Variants in DNAH3 observed in about 807,000 individuals in gnomAD.
DNAH3 encodes the protein axonemal beta dynein heavy chain 3.
In DNAH3, 332 loss-of-function variants were observed where a neutral mutation model predicts 432.5. The ratio of observed to expected loss-of-function variants is 0.77; its 90% CI spans 0.70 to 0.84. The LOEUF (loss-of-function observed/expected upper bound fraction) is 0.84. Among genes scored for constraint, DNAH3 ranks in the 40% least tolerant of loss-of-function variants. The probability of loss-of-function intolerance (pLI) is 0.00; values close to 1 mark genes in which losing one functional copy is unlikely to be tolerated. For missense variants in DNAH3, 4,861 were observed against 5,114.0 expected (o/e 0.95, Z 1.51); for synonymous variants, 1,956 against 1,900.2 (o/e 1.03, Z -0.76).
At chr16:20,985,633 T>G (rs754680360) in exon 48 of DNAH3, 2 of 1,614,252 alleles carry the variant, frequency 1.2e-6, no homozygotes, top group African/African-American at 2.7e-5. Flanking sequence ...TTGGTCACTT[T>G]CTGGCTTGAA....
intron 49 of DNAH3, among the ~76,000 whole-genome samples, chr16:20,981,065 T>A (rs1429737398): frequency 6.6e-6 from 1 of 151,942 alleles, no homozygotes. Flanking sequence ...ATAACAAGAG[T>A]GGGCAGCAGG....
intron 29 of DNAH3, among the ~76,000 whole-genome samples, chr16:21,050,593 C>T (rs1167141750): frequency 6.6e-6 from 1 of 152,168 alleles, no homozygotes; most frequent in Non-Finnish European, 1.5e-5. Flanking sequence ...GCACACACCA[C>T]CACACCCAGT....
chr16:20,942,111 A>G (rs13330649), intron 58 of DNAH3, among the ~76,000 whole-genome samples: 1,746 of 151,462 alleles, frequency 0.012, 44 homozygotes, highest in African/African-American at 0.04. Flanking sequence ...CACCTCAGGC[A>G]AGAGCCGAAG....
chr16:20,988,753 G>A (rs545784069), intron 44 of DNAH3, among the ~76,000 whole-genome samples: 2 of 152,350 alleles, frequency 1.3e-5, no homozygotes, highest in Non-Finnish European at 2.9e-5. Flanking sequence ...ATGAAGCCGC[G>A]ACCCCTCGCG....
intron 23 of DNAH3, among the ~76,000 whole-genome samples, chr16:21,069,008 G>A (rs1257428053): frequency 1.3e-5 from 2 of 151,352 alleles, no homozygotes; most frequent in South Asian, 2.1e-4. Context: ...CACTGCAACC[G>A]CCGCCTCCTG....
chr16:21,126,175 CA>C (rs1277384740), intron 8 of DNAH3, among the ~76,000 whole-genome samples: 4 of 137,498 alleles, frequency 2.9e-5, no homozygotes, highest in African/African-American at 1.1e-4. Flanking sequence ...CTCAAACAAA[CA>C]AACAACAACA....
At chr16:21,133,617 G>A (rs2092601067) in intron 7 of DNAH3, among the ~76,000 whole-genome samples, 2 of 151,576 alleles carry the variant, frequency 1.3e-5, no homozygotes, top group African/African-American at 4.8e-5. Context: ...GCGCATGCCT[G>A]TAATCCCAGC....
At chr16:21,028,653 C>CAAA (rs57414215) in intron 37 of DNAH3, among the ~76,000 whole-genome samples, 2 of 127,690 alleles carry the variant, frequency 1.6e-5, no homozygotes, top group African/African-American at 6.0e-5. Flanking sequence ...GACTTTGTCT[C>CAAA]AAAAAAAAAA....
At position 21,139,320 on chromosome 16, in the gene DNAH3, C is replaced by CTTTT. The variant is rs9302391; in HGVS notation, c.696+1212_696+1215dup. On this transcript the variant is annotated intron_variant, in intron 5 of 61. Transcript: ENST00000261383. ...AATGTAGCTTGAGACTTTCCTCATG[C>CTTTT]TTTTTTTTTTTTTTTTTTTTTTTTT... 5.7e-3 allele frequency among the ~76,000 whole-genome samples: 170 copies of CTTTT among 29,626 alleles called. 52 individuals are homozygous for CTTTT. The highest frequency in any genetic ancestry group is 0.02 in the African/African-American group (125 of 6,106). 19.4% of individuals were successfully genotyped at this position (29,626 alleles called of 152,430 possible).
At chr16:20,970,401 G>C (rs1011920963) in intron 51 of DNAH3, among the ~76,000 whole-genome samples, 4 of 152,152 alleles carry the variant, frequency 2.6e-5, no homozygotes, top group Non-Finnish European at 5.9e-5. Flanking sequence ...GTGGGCGCTT[G>C]TAATCTCAGC....
chr16:20,963,419 G>A (rs138099907), exon 53 of DNAH3: 31 of 1,613,938 alleles, frequency 1.9e-5, no homozygotes, highest in Middle Eastern at 1.6e-4. Flanking sequence ...ATGAACTCCC[G>A]GACCGCTGGC....
intron 43 of DNAH3, among the ~76,000 whole-genome samples, 194 bp downstream of exon 43, chr16:21,000,030 G>C (rs1380989604): frequency 6.7e-6 from 1 of 149,084 alleles, no homozygotes; most frequent in Admixed American, 6.7e-5. Context: ...AGAAGGAAAG[G>C]AGGGAGGGAG....
chr16:21,054,940 T>C (rs983217103), intron 27 of DNAH3, among the ~76,000 whole-genome samples: 2 of 152,074 alleles, frequency 1.3e-5, no homozygotes, highest in Admixed American at 6.6e-5. Context: ...CATGTGTTTA[T>C]CAAAACTGAG....
At chr16:21,092,127 A>G (rs900778552) in intron 18 of DNAH3, among the ~76,000 whole-genome samples, 1 of 152,228 alleles carries the variant, frequency 6.6e-6, no homozygotes, top group African/African-American at 2.4e-5. Context: ...TAAAATTTAC[A>G]CAGAGAAGTA....
chr16:21,003,261 C>T (rs930852916), intron 41 of DNAH3, 54 bp from the exon 42 acceptor site: 1 of 1,241,140 alleles, frequency 8.1e-7, no homozygotes, highest in Non-Finnish European at 1.2e-6. Flanking sequence ...TTACTTGCCT[C>T]CCATATTTGA....
At chr16:21,024,218 C>G (rs2088416174) in intron 39 of DNAH3, among the ~76,000 whole-genome samples, 1 of 152,060 alleles carries the variant, frequency 6.6e-6, no homozygotes, top group African/African-American at 2.4e-5. Flanking sequence ...ATTGGCAGCA[C>G]CAAAAGGAAC....
intron 20 of DNAH3, among the ~76,000 whole-genome samples, chr16:21,080,427 T>G (rs1465442749): frequency 1.3e-5 from 2 of 152,268 alleles, no homozygotes; most frequent in Non-Finnish European, 2.9e-5. Context: ...ATTTCAATAC[T>G]AATCAGTATT....
Position 20,964,085 on chromosome 16 carries a change from T to C in DNAH3, c.9799A>G (p.Lys3267Glu), listed in dbSNP as rs752477445. ...TCTGAGATCTCTTCAGATAGCACTT[T>C]GGAGGAGGACAGAACTTTGATGGCG... The change falls in exon 53 of 62, where the codon AAA becomes GAA. Residue 3267 changes from lysine to glutamate, a missense_variant. Physicochemically the swap from Lys to Glu is moderately conservative, Grantham distance 56. Coordinates refer to ENST00000261383, the Ensembl canonical transcript of DNAH3. 1.4e-5 allele frequency: 23 copies of C among 1,614,084 alleles called. No individual in the cohort carries two copies. The highest frequency in any genetic ancestry group is 1.8e-5 in the Non-Finnish European group (21 of 1,180,046).
chr16:21,092,698 C>CA (rs61277332), intron 18 of DNAH3, among the ~76,000 whole-genome samples: 4,811 of 11,492 alleles, frequency 0.42, 1,814 homozygotes, highest in African/African-American at 0.48. Flanking sequence ...AAAATATTTG[C>CA]AAAAAAAAAA....
Sources: allele counts gnomAD v4.1 joint callset (sites outside exome capture counted in the v4.1 genomes callset), GRCh38; gene constraint gnomAD v4.1.1; transcripts MANE v1.5; gene names NCBI Gene and HGNC (gene_info 2026-07-23, HGNC 2026-07-21).